The following DLG1 variants were observed in gnomAD, a reference collection of about 807,000 sequenced individuals.
DLG1 encodes discs large MAGUK scaffold protein 1, also known as disks large homolog 1.
Under a neutral mutation model 123.4 loss-of-function variants are expected in DLG1, and 42 were observed. The ratio of observed to expected loss-of-function variants is 0.34; its 90% CI spans 0.27 to 0.44. The LOEUF (loss-of-function observed/expected upper bound fraction) is 0.44. DLG1 is among the 20% of genes least tolerant of loss of function. DLG1 has a pLI of 1.00. For synonymous variants in DLG1, 317 were observed against 356.2 expected (o/e 0.89, Z 1.24); for missense variants, 942 against 1,082.6 (o/e 0.87, Z 1.82).
At chr3:197,249,496 T>C (rs1333874576) in intron 4 of DLG1, among the ~76,000 whole-genome samples, 1 of 152,054 alleles carries the variant, frequency 6.6e-6, no homozygotes, top group East Asian at 1.9e-4. Context: ...AATGGCTTCC[T>C]AATAAATTCT....
chr3:197,090,956 C>A lies in DLG1; in HGVS notation c.1617G>T (p.Gly539=), dbSNP rs759993817. The change falls in exon 15 of 25, where the codon GGG becomes GGT. Residue 539 remains glycine (G), a synonymous_variant. Coordinates refer to ENST00000667157, the MANE Select transcript of DLG1 (RefSeq NM_001366207.1). ...EQMMNSSISS[G]SGSLRTSQKR... is the part of the protein sequence containing the mutation. ...TCTGGCTAGTTCGAAGAGAACCTGACCCTGAACTAATACTACTATTCATCA... is the reference window on the plus strand; with the variant it reads ...TCTGGCTAGTTCGAAGAGAACCTGAACCTGAACTAATACTACTATTCATCA... 6.2e-7 allele frequency: 1 copy of A among 1,611,880 alleles called. No homozygotes were observed. Among genetic ancestry groups the A allele is most frequent in the East Asian group, 2.2e-5 (1 of 44,750 alleles).
intron 4 of DLG1, chr3:197,260,246 T>C (rs1030001387): frequency 6.9e-6 from 3 of 435,156 alleles, no homozygotes; most frequent in South Asian, 3.3e-5. Context: ...CAGAAAAGCA[T>C]ATTATATCTT....
chr3:197,125,152 T>C (rs543135435), intron 11 of DLG1, among the ~76,000 whole-genome samples: 30 of 152,320 alleles, frequency 2.0e-4, no homozygotes, highest in African/African-American at 5.1e-4. Context: ...TGGGTGCTTA[T>C]ATGAAATATG....
chr3:197,173,091 A>G (rs1403391872), intron 5 of DLG1, among the ~76,000 whole-genome samples: 1 of 152,142 alleles, frequency 6.6e-6, no homozygotes, highest in African/African-American at 2.4e-5. Context: ...TCCAATACTC[A>G]TCTAACCAAT....
At chr3:197,275,078 C>G (rs960655849) in intron 4 of DLG1, among the ~76,000 whole-genome samples, 4 of 151,396 alleles carry the variant, frequency 2.6e-5, no homozygotes, top group African/African-American at 9.7e-5. Context: ...CCCAGCTACT[C>G]AGGTGGCTGA....
At chr3:197,262,728 G>C (rs1194264998) in intron 4 of DLG1, among the ~76,000 whole-genome samples, 1 of 152,182 alleles carries the variant, frequency 6.6e-6, no homozygotes, top group East Asian at 1.9e-4. Flanking sequence ...GATAGTGTCA[G>C]AATTGAATTA....
intron 18 of DLG1, chr3:197,070,811 ATCTG>A (rs1028218117): frequency 1.4e-4 from 22 of 151,764 alleles, no homozygotes; most frequent in African/African-American, 5.1e-4. Flanking sequence ...AGCTCACGTG[ATCTG>A]TCTGCCTTGG....
intron 7 of DLG1, among the ~76,000 whole-genome samples, chr3:197,142,199 CATT>C (rs1788396920): frequency 6.6e-6 from 1 of 152,138 alleles, no homozygotes; most frequent in South Asian, 2.1e-4. Context: ...AACAATACTT[CATT>C]ATCATATGCA....
chr3:197,071,139 G>A (rs1743647313), intron 18 of DLG1: 1 of 152,006 alleles, frequency 6.6e-6, no homozygotes, highest in Admixed American at 6.6e-5. Flanking sequence ...TAAAAAAAGA[G>A]TTATTCTGTT....
chr3:197,284,660 G>A (rs905036383), intron 3 of DLG1, among the ~76,000 whole-genome samples: 2 of 151,974 alleles, frequency 1.3e-5, no homozygotes, highest in East Asian at 1.9e-4. Flanking sequence ...ACTACCCTGC[G>A]AAAAATTATT....
intron 4 of DLG1, among the ~76,000 whole-genome samples, chr3:197,238,158 T>A (rs1285016941): frequency 6.6e-6 from 1 of 152,154 alleles, no homozygotes; most frequent in East Asian, 1.9e-4. Flanking sequence ...CCTTTCACTG[T>A]CAGAGCAGCG....
At chr3:197,147,683 G>A (rs540966562) in intron 6 of DLG1, among the ~76,000 whole-genome samples, 43 of 152,026 alleles carry the variant, frequency 2.8e-4, no homozygotes, top group Non-Finnish European at 5.1e-4. Context: ...GCGTGGGACT[G>A]GGGTGAGGGA....
intron 4 of DLG1, among the ~76,000 whole-genome samples, chr3:197,278,738 T>C (rs1170640179): frequency 7.0e-6 from 1 of 143,276 alleles, no homozygotes; most frequent in Non-Finnish European, 1.5e-5. Context: ...TCAGTGAACT[T>C]AAAAAAAAAA....
At chr3:197,120,090 T>G (rs180848069) in intron 11 of DLG1, among the ~76,000 whole-genome samples, 1 of 152,072 alleles carries the variant, frequency 6.6e-6, no homozygotes, top group East Asian at 1.9e-4. Context: ...TGAAATCCCA[T>G]CTCTACCAAA....
intron 4 of DLG1, among the ~76,000 whole-genome samples, chr3:197,274,185 C>A (rs1579156797): frequency 6.6e-6 from 1 of 152,254 alleles, no homozygotes; most frequent in South Asian, 2.1e-4. Flanking sequence ...GGAGGCATCA[C>A]ATTACCTGAC....
At chr3:197,102,123 C>T (rs1763813613) in intron 14 of DLG1, among the ~76,000 whole-genome samples, 1 of 152,106 alleles carries the variant, frequency 6.6e-6, no homozygotes, top group African/African-American at 2.4e-5. Context: ...TATTCCTTGC[C>T]TTTGGAATTA....
At chr3:197,147,603 T>C (rs1279510722) in intron 6 of DLG1, among the ~76,000 whole-genome samples, 1 of 152,106 alleles carries the variant, frequency 6.6e-6, no homozygotes, top group East Asian at 1.9e-4. Flanking sequence ...TTCTCACTCA[T>C]AAGTGGGAGC....
chr3:197,061,076 T>C (rs911785902), intron 22 of DLG1, among the ~76,000 whole-genome samples: 3 of 152,228 alleles, frequency 2.0e-5, no homozygotes, highest in Non-Finnish European at 4.4e-5. Flanking sequence ...AGTGCTGGGA[T>C]TATAGGCGTG....
chr3:197,163,693 T>C (rs1479036956), intron 5 of DLG1, among the ~76,000 whole-genome samples: 1 of 135,012 alleles, frequency 7.4e-6, no homozygotes, highest in Non-Finnish European at 1.5e-5. Flanking sequence ...AGCTATTTTT[T>C]TTTTTTTTTT....
Sources: allele counts gnomAD v4.1 joint callset (sites outside exome capture counted in the v4.1 genomes callset), GRCh38; gene constraint gnomAD v4.1.1; transcripts MANE v1.5; gene names NCBI Gene and HGNC (gene_info 2026-07-23, HGNC 2026-07-21).